UNC5C: variants seen among roughly 807,000 people sequenced by gnomAD.
The protein encoded by UNC5C is unc-5 netrin receptor C.
In UNC5C, 47 loss-of-function variants were observed where a neutral mutation model predicts 99.8. The observed-to-expected ratio is 0.47, with a 90% CI of 0.37 to 0.60. UNC5C has a LOEUF of 0.60. UNC5C is among the 20% of genes least tolerant of loss of function. The pLI is 0.00. For synonymous variants in UNC5C, 487 were observed against 452.2 expected (o/e 1.08, Z -0.98); for missense variants, 1,062 against 1,165.9 (o/e 0.91, Z 1.30).
intron 1 of UNC5C, among the ~76,000 whole-genome samples, chr4:95,383,262 TACACACACACACACAC>T (rs35068196): frequency 2.0e-5 from 3 of 150,828 alleles, no homozygotes; most frequent in African/African-American, 7.3e-5. Context: ...TGTGTGTGTT[TACACACACACACACAC>T]ACACACACAC....
chr4:95,304,597 T>C (rs1012642517), intron 2 of UNC5C, among the ~76,000 whole-genome samples: 8 of 152,160 alleles, frequency 5.3e-5, no homozygotes, highest in Non-Finnish European at 8.8e-5. Flanking sequence ...TACTCTCTGA[T>C]GTTTGATGGT....
chr4:95,449,723 C>G (rs1231443458), intron 1 of UNC5C, among the ~76,000 whole-genome samples: 1 of 152,174 alleles, frequency 6.6e-6, no homozygotes, highest in Non-Finnish European at 1.5e-5. Flanking sequence ...AAACCCTGTA[C>G]AGAACTCTTC....
At chr4:95,507,407 C>A (rs1259303184) in intron 1 of UNC5C, among the ~76,000 whole-genome samples, 1 of 151,992 alleles carries the variant, frequency 6.6e-6, no homozygotes, top group Admixed American at 6.6e-5. Flanking sequence ...TAACTGCCAC[C>A]CCTCTTCCTG....
At chr4:95,293,821 T>C (rs1741575685) in intron 3 of UNC5C, among the ~76,000 whole-genome samples, 1 of 152,112 alleles carries the variant, frequency 6.6e-6, no homozygotes, top group African/African-American at 2.4e-5. Context: ...TCCTTGTCTA[T>C]AAAATGGGAA....
At chr4:95,416,057 A>C (rs1356665140) in intron 1 of UNC5C, among the ~76,000 whole-genome samples, 1 of 152,186 alleles carries the variant, frequency 6.6e-6, no homozygotes, top group Non-Finnish European at 1.5e-5. Context: ...AAGCAAGGGA[A>C]GGGAGTCTTT....
chr4:95,495,928 T>A (rs1032989404), intron 1 of UNC5C, among the ~76,000 whole-genome samples: 1 of 151,764 alleles, frequency 6.6e-6, no homozygotes, highest in African/African-American at 2.4e-5. Context: ...TATGGAGAAA[T>A]AGAAATTATT....
intron 7 of UNC5C, among the ~76,000 whole-genome samples, chr4:95,221,266 G>T (rs1738458293): frequency 6.6e-6 from 1 of 152,190 alleles, no homozygotes; most frequent in South Asian, 2.1e-4. Flanking sequence ...TGTAAAAGAG[G>T]TTGTTAAATT....
intron 1 of UNC5C, among the ~76,000 whole-genome samples, chr4:95,492,387 T>C (rs1050509067): frequency 4.0e-5 from 6 of 151,414 alleles, no homozygotes; most frequent in African/African-American, 1.5e-4. Flanking sequence ...TTCTGCTTCC[T>C]GTTAAAATTA....
In UNC5C at chr4:95,193,368, C is replaced by T. The variant is rs75085550; in HGVS notation, c.2137-8172G>A. On this transcript the variant is annotated intron_variant, in intron 12 of 15. Transcript: ENST00000453304. ...GCTTTCTGGCTCCTGGAGATAGAAC[C>T]GCTCTCCGTGCTGGAGCCGGCACAG... 5.8e-3 allele frequency among the ~76,000 whole-genome samples: 890 copies of T among 152,284 alleles called. 7 individuals carry two copies. Among genetic ancestry groups the T allele is most frequent in the African/African-American group, 0.02 (845 of 41,564 alleles).
intron 1 of UNC5C, among the ~76,000 whole-genome samples, chr4:95,390,626 C>T (rs1745329324): frequency 6.6e-6 from 1 of 152,130 alleles, no homozygotes; most frequent in Non-Finnish European, 1.5e-5. Context: ...ACTTTTAGTT[C>T]TAAAGTTGGT....
chr4:95,484,546 C>T (rs572035862), intron 1 of UNC5C, among the ~76,000 whole-genome samples: 10 of 151,898 alleles, frequency 6.6e-5, no homozygotes, highest in South Asian at 2.1e-4. Context: ...CAAGATTCTC[C>T]GGTCTCTTTC....
chr4:95,309,795 A>G (rs571258202), intron 2 of UNC5C, among the ~76,000 whole-genome samples: 1 of 152,308 alleles, frequency 6.6e-6, no homozygotes, highest in Admixed American at 6.5e-5. Context: ...GGCAAAGGAT[A>G]TGGGGCAAAG....
chr4:95,487,425 G>T (rs906189119), intron 1 of UNC5C, among the ~76,000 whole-genome samples: 6 of 151,646 alleles, frequency 4.0e-5, no homozygotes, highest in Admixed American at 3.9e-4. Context: ...CACCTATTTT[G>T]CCACAAGAGA....
intron 1 of UNC5C, among the ~76,000 whole-genome samples, chr4:95,444,038 T>C (rs984344202): frequency 1.3e-5 from 2 of 152,206 alleles, no homozygotes; most frequent in Non-Finnish European, 2.9e-5. Context: ...GCTATTAATA[T>C]AGCGCATCTC....
At chr4:95,212,860 T>C (rs1374941196) in intron 10 of UNC5C, among the ~76,000 whole-genome samples, 1 of 152,210 alleles carries the variant, frequency 6.6e-6, no homozygotes, top group Non-Finnish European at 1.5e-5. Flanking sequence ...TCTTCTGAAA[T>C]AGATTCTCTC....
At chr4:95,414,924 C>A (rs1454330204) in intron 1 of UNC5C, among the ~76,000 whole-genome samples, 1 of 152,152 alleles carries the variant, frequency 6.6e-6, no homozygotes, top group Non-Finnish European at 1.5e-5. Flanking sequence ...ATTATTGTGA[C>A]CTTTCTTTTA....
At chr4:95,426,880 C>A (rs571616989) in intron 1 of UNC5C, among the ~76,000 whole-genome samples, 1 of 152,298 alleles carries the variant, frequency 6.6e-6, no homozygotes, top group Non-Finnish European at 1.5e-5. Context: ...CTTAAAAGTG[C>A]AAGGTGAAAC....
intron 1 of UNC5C, among the ~76,000 whole-genome samples, chr4:95,520,896 G>T (rs1474394909): frequency 1.3e-5 from 2 of 152,016 alleles, no homozygotes; most frequent in Non-Finnish European, 2.9e-5. Flanking sequence ...ACCGCGCCCG[G>T]CCTAGTATAT....
At chr4:95,263,328 G>T (rs1265845471) in intron 4 of UNC5C, among the ~76,000 whole-genome samples, 2 of 152,108 alleles carry the variant, frequency 1.3e-5, no homozygotes, top group Non-Finnish European at 2.9e-5. Flanking sequence ...CATAAAATGT[G>T]CAAGGAGATA....
Sources: gnomAD v4.1 joint callset for allele counts (sites outside exome capture counted in the v4.1 genomes callset) on GRCh38, gnomAD v4.1.1 for gene constraint, MANE v1.5 for transcripts, NCBI Gene and HGNC (gene_info 2026-07-23, HGNC 2026-07-21) for gene names.